NOL4L: variants seen among roughly 807,000 people sequenced by gnomAD.
The protein encoded by NOL4L is nucleolar protein 4 like, also known as nucleolar protein 4-like.
Under a neutral mutation model 64.5 loss-of-function variants are expected in NOL4L, and 7 were observed. The observed-to-expected ratio is 0.11, with a 90% CI of 0.06 to 0.20. The LOEUF (loss-of-function observed/expected upper bound fraction) is 0.20, where lower values mean the gene tolerates loss of function less well. Ranked by LOEUF, NOL4L falls within the 10% of genes least tolerant of loss-of-function variation. The pLI, the probability that NOL4L is intolerant of heterozygous loss-of-function variation, is 1.00. For missense variants in NOL4L, 680 were observed against 967.1 expected (o/e 0.70, Z 3.94); for synonymous variants, 413 against 401.0 (o/e 1.03, Z -0.36).
intron 10 of NOL4L, among the ~76,000 whole-genome samples, chr20:32,448,304 T>G (rs1333443329): frequency 6.6e-6 from 1 of 152,012 alleles, no homozygotes; most frequent in Non-Finnish European, 1.5e-5. Flanking sequence ...CCAACACACC[T>G]GAGAGATGCG....
intron 4 of NOL4L, chr20:32,483,430 G>C: frequency 2.0e-6 from 2 of 988,640 alleles, no homozygotes; most frequent in Non-Finnish European, 2.4e-6. Context: ...GGCGGTGACA[G>C]CCCCACAGCT....
chr20:32,540,187 A>G (rs2018628840), intron 1 of NOL4L, among the ~76,000 whole-genome samples: 1 of 152,082 alleles, frequency 6.6e-6, no homozygotes, highest in African/African-American at 2.4e-5. Context: ...CTCTGGGCCC[A>G]CCAGCCATCC....
At position 32,447,332 on chromosome 20, in the gene NOL4L, GC is replaced by G. The variant is rs1400755788; in HGVS notation, c.*263del. Reference sequence around the variant, plus strand: ...GCAGCCCCAGCGCCTTGTCAGGGGAGCCCCCAACCCTTCCAGAGCTGCCCCG... The same window carrying G: ...GCAGCCCCAGCGCCTTGTCAGGGGAGCCCCAACCCTTCCAGAGCTGCCCCG... On this transcript the variant is annotated 3_prime_UTR_variant, in exon 11 of 11. Transcript: ENST00000621426. The G allele has an allele frequency of 1.5e-5, 9 of 588,758 alleles. No homozygotes were observed. The Admixed American group carries it at 1.9e-4, about 12-fold the overall frequency. The allele number at this position is 588,758 out of a possible 1,614,324, so 36.5% of individuals were successfully genotyped here.
intron 5 of NOL4L, among the ~76,000 whole-genome samples, chr20:32,457,321 G>A (rs1248442829): frequency 6.6e-6 from 1 of 152,206 alleles, no homozygotes; most frequent in African/African-American, 2.4e-5. Context: ...CGGGGTCACT[G>A]TCAGGTGAGC....
rs1349432945 is a variant in NOL4L at position 32,585,220 on chromosome 20, C to T, written c.-330G>A. On this transcript the variant is annotated 5_prime_UTR_variant, in exon 1 of 11. Coordinates refer to ENST00000621426, the MANE Select transcript of NOL4L (RefSeq NM_001256798.2). ...GGTGCAGAGGGGGCGGGCCGCCCCG[C>T]GGGCGGCCGGGGGAGGCGGGAGGCG... The T allele has an allele frequency of 1.3e-5, 2 of 148,548 alleles. No individual in the cohort carries two copies. Among genetic ancestry groups the T allele is most frequent in the Non-Finnish European group, 3.0e-5 (2 of 66,208 alleles). The allele number at this position is 148,548 out of a possible 1,614,324, so 9.2% of individuals were successfully genotyped here.
intron 5 of NOL4L, among the ~76,000 whole-genome samples, chr20:32,471,415 G>A (rs928228387): frequency 5.3e-5 from 8 of 152,118 alleles, no homozygotes; most frequent in African/African-American, 1.4e-4. Context: ...GCAAGCTCCC[G>A]GGGAGTGAGA....
At chr20:32,511,272 G>C in intron 4 of NOL4L, 75 bp downstream of exon 4, 3 of 906,386 alleles carry the variant, frequency 3.3e-6, no homozygotes, top group South Asian at 1.5e-5. Flanking sequence ...GTGGCCCCAA[G>C]TCTTGGAAAG....
intron 4 of NOL4L, among the ~76,000 whole-genome samples, chr20:32,507,539 C>T (rs191035581): frequency 3.7e-4 from 57 of 152,310 alleles, no homozygotes; most frequent in Non-Finnish European, 6.2e-4. Context: ...TAACATGATT[C>T]TGTCCAGCCC....
intron 3 of NOL4L, among the ~76,000 whole-genome samples, chr20:32,518,196 A>T (rs575064145): frequency 1.3e-5 from 2 of 152,250 alleles, no homozygotes; most frequent in South Asian, 4.1e-4. Flanking sequence ...CAGAGATGGC[A>T]TTGTGTCTGA....
Position 32,474,731 on chromosome 20 carries a change from A to G in NOL4L, c.711T>C (p.Ser237=). ...TCATATCAAAATCCTCGCTGCTCAC[A>G]GAAGTCTCATCCTGAGCAGGGACAA... The part of the protein sequence containing the change: ...VMNSQEQDET[S]VSSEDFDMSD... The change falls in exon 5 of 11, where the codon TCT becomes TCC. Residue 237 remains serine, a synonymous_variant. Coordinates refer to ENST00000621426, the MANE Select transcript of NOL4L (RefSeq NM_001256798.2). The G allele has an allele frequency of 6.2e-7, 1 of 1,611,696 alleles. No homozygotes were observed. The highest frequency in any genetic ancestry group is 8.5e-7 in the Non-Finnish European group (1 of 1,178,924).
intron 4 of NOL4L, among the ~76,000 whole-genome samples, chr20:32,482,154 GTT>G (rs2015767909): frequency 6.6e-6 from 1 of 152,058 alleles, no homozygotes; most frequent in Admixed American, 6.6e-5. Flanking sequence ...GAAAATCAAT[GTT>G]TTAGAGGGGG....
In NOL4L at chr20:32,527,911, C is replaced by T. The variant is rs757909878; in HGVS notation, c.324G>A (p.Gly108=). Residue 108 remains glycine (G), a splice_region_variant and synonymous_variant, in exon 2 of 11, where the codon GGG becomes GGA. Transcript: ENST00000621426. ...VVYVPVKTGS[G]ADGLSEPEGI... is the part of the protein sequence containing the mutation. ...CCTCTGGCTCCGACAGGCCATCTGC[C>T]CCCTGCGACAGGGTGGACAAGCTGT... 1.3e-6 allele frequency: 2 copies of T among 1,550,140 alleles called. No individual in the cohort carries two copies. The highest frequency in any genetic ancestry group is 2.4e-5 in the South Asian group (2 of 84,028).
chr20:32,492,373 A>T (rs1258604364), intron 4 of NOL4L, among the ~76,000 whole-genome samples: 3 of 152,234 alleles, frequency 2.0e-5, no homozygotes, highest in Non-Finnish European at 4.4e-5. Context: ...AGGCAAAATC[A>T]ATGTATGCTC....
At chr20:32,466,040 T>C (rs1384513983) in intron 5 of NOL4L, among the ~76,000 whole-genome samples, 2 of 150,608 alleles carry the variant, frequency 1.3e-5, no homozygotes, top group Admixed American at 6.6e-5. Flanking sequence ...TGATCTTGGC[T>C]CACTGCAACC....
chr20:32,528,395 C>A (rs768481973), intron 1 of NOL4L, among the ~76,000 whole-genome samples: 24 of 152,254 alleles, frequency 1.6e-4, no homozygotes, highest in Non-Finnish European at 2.6e-4. Flanking sequence ...CCGCCCTGGC[C>A]TTTCTGAAAA....
intron 1 of NOL4L, among the ~76,000 whole-genome samples, chr20:32,536,839 C>T (rs2018548319): frequency 8.5e-6 from 1 of 117,018 alleles, no homozygotes; most frequent in Non-Finnish European, 1.8e-5. Flanking sequence ...GGGGGGGACA[C>T]GCAGGAACGG....
At chr20:32,475,600 C>T (rs951293122) in intron 4 of NOL4L, among the ~76,000 whole-genome samples, 1 of 152,248 alleles carries the variant, frequency 6.6e-6, no homozygotes. Context: ...CTCCTCCAGG[C>T]CCAGCCTTTC....
At chr20:32,554,136 G>A (rs185898264) in intron 1 of NOL4L, among the ~76,000 whole-genome samples, 4 of 151,880 alleles carry the variant, frequency 2.6e-5, no homozygotes, top group Non-Finnish European at 4.4e-5. Context: ...CTGGCTAACA[G>A]GGTGAAACCC....
chr20:32,488,984 T>TTTTTTTTTTA (rs2016338644), intron 4 of NOL4L, among the ~76,000 whole-genome samples: 2 of 139,152 alleles, frequency 1.4e-5, no homozygotes, highest in African/African-American at 5.6e-5. Flanking sequence ...TTTTTTTTTT[T>TTTTTTTTTTA]GGTAAGAACT....
Sources: gnomAD v4.1 joint callset for allele counts (sites outside exome capture counted in the v4.1 genomes callset) on GRCh38, gnomAD v4.1.1 for gene constraint, MANE v1.5 for transcripts, NCBI Gene and HGNC (gene_info 2026-07-23, HGNC 2026-07-21) for gene names.